Variants in KCNIP4 observed in about 807,000 individuals in gnomAD.
KCNIP4 encodes the protein Kv channel-interacting protein 4.
Under a neutral mutation model 34.0 loss-of-function variants are expected in KCNIP4, and 12 were observed. The observed-to-expected ratio is 0.35, with a 90% CI of 0.23 to 0.57. KCNIP4 has a LOEUF of 0.57. Among genes scored for constraint, KCNIP4 ranks in the 20% least tolerant of loss-of-function variants. KCNIP4 has a pLI of 0.83. For missense variants in KCNIP4, 238 were observed against 311.7 expected (o/e 0.76, Z 1.78); for synonymous variants, 124 against 102.2 (o/e 1.21, Z -1.29).
At chr4:21,883,843 T>C (rs1726603741) in intron 1 of KCNIP4, among the ~76,000 whole-genome samples, 1 of 152,078 alleles carries the variant, frequency 6.6e-6, no homozygotes. Context: ...TCAAATCGAC[T>C]GATGAATGAA....
At chr4:21,765,827 A>G (rs1718374597) in intron 1 of KCNIP4, among the ~76,000 whole-genome samples, 1 of 151,110 alleles carries the variant, frequency 6.6e-6, no homozygotes, top group African/African-American at 2.4e-5. Context: ...GTGAAAAAAA[A>G]AAAAAAAAAA....
chr4:21,083,996 A>C (rs1238768636), intron 1 of KCNIP4, among the ~76,000 whole-genome samples: 1 of 151,846 alleles, frequency 6.6e-6, no homozygotes, highest in Non-Finnish European at 1.5e-5. Context: ...TTCCACCCTG[A>C]TGTCTCCCAA....
At chr4:21,431,007 G>A (rs1463844296) in intron 1 of KCNIP4, among the ~76,000 whole-genome samples, 2 of 151,970 alleles carry the variant, frequency 1.3e-5, no homozygotes, top group Non-Finnish European at 2.9e-5. Flanking sequence ...AAATGGAATG[G>A]AATATGCTTC....
chr4:21,359,802 T>A (rs1719029641), intron 1 of KCNIP4, among the ~76,000 whole-genome samples: 1 of 152,070 alleles, frequency 6.6e-6, no homozygotes, highest in Non-Finnish European at 1.5e-5. Flanking sequence ...GGTCCTGAGG[T>A]CAAACATTTC....
chr4:21,384,635 A>G (rs1249232308), intron 1 of KCNIP4, among the ~76,000 whole-genome samples: 1 of 152,226 alleles, frequency 6.6e-6, no homozygotes, highest in Non-Finnish European at 1.5e-5. Flanking sequence ...CCGTGTGCTC[A>G]CATATCACAG....
intron 1 of KCNIP4, among the ~76,000 whole-genome samples, chr4:21,156,526 A>G (rs1753156891): frequency 6.6e-6 from 1 of 152,166 alleles, no homozygotes; most frequent in Non-Finnish European, 1.5e-5. Flanking sequence ...CATACATGAG[A>G]AATATACATT....
intron 1 of KCNIP4, among the ~76,000 whole-genome samples, chr4:21,326,452 A>G (rs938777808): frequency 2.2e-5 from 3 of 138,830 alleles, no homozygotes; most frequent in Non-Finnish European, 4.7e-5. Flanking sequence ...TGCATAAAAC[A>G]TCTTTTTTCG....
chr4:21,937,684 A>G (rs1729938492), intron 1 of KCNIP4, among the ~76,000 whole-genome samples: 1 of 151,946 alleles, frequency 6.6e-6, no homozygotes, highest in African/African-American at 2.4e-5. Context: ...CCATCTCTGT[A>G]TTTCCCATCT....
At chr4:21,314,263 A>G (rs1218045274) in intron 1 of KCNIP4, among the ~76,000 whole-genome samples, 1 of 152,184 alleles carries the variant, frequency 6.6e-6, no homozygotes, top group Non-Finnish European at 1.5e-5. Flanking sequence ...GGTCAGGCTC[A>G]CTTGGGATTG....
chr4:21,829,065 A>T (rs1012425876), intron 1 of KCNIP4, among the ~76,000 whole-genome samples: 3 of 151,958 alleles, frequency 2.0e-5, no homozygotes, highest in Non-Finnish European at 2.9e-5. Flanking sequence ...AAAAAAAAAA[A>T]TTAAATGCTG....
At chr4:21,790,033 C>A (rs1311400771) in intron 1 of KCNIP4, among the ~76,000 whole-genome samples, 1 of 152,108 alleles carries the variant, frequency 6.6e-6, no homozygotes, top group Non-Finnish European at 1.5e-5. Context: ...ATGAAACTGC[C>A]ATGAAAAGCT....
chr4:21,019,645 G>T (rs985182019), intron 1 of KCNIP4, among the ~76,000 whole-genome samples: 1 of 151,914 alleles, frequency 6.6e-6, no homozygotes, highest in African/African-American at 2.4e-5. Flanking sequence ...TAAAATAGGG[G>T]ACAATATCTA....
At chr4:21,389,787 C>T (rs1189870019) in intron 1 of KCNIP4, among the ~76,000 whole-genome samples, 1 of 152,128 alleles carries the variant, frequency 6.6e-6, no homozygotes, top group Admixed American at 6.5e-5. Flanking sequence ...TTTATAGCAG[C>T]ATAATTTATA....
rs770170811 is a variant in KCNIP4 at position 20,758,856 on chromosome 4, A to T, written c.323T>A (p.Phe108Tyr). ...CPSGVVNEET[F>Y]KEIYSQFFPQ... Reference sequence around the variant, plus strand: ...AAAGAACTGCGAGTAAATCTCTTTGAAGGTTTCTTCATTAACAACACCACT... The same window carrying T: ...AAAGAACTGCGAGTAAATCTCTTTGTAGGTTTCTTCATTAACAACACCACT... The change falls in exon 4 of 9, where the codon TTC becomes TAC. Residue 108 changes from phenylalanine to tyrosine, a missense_variant. Phe to Tyr is a conservative substitution (Grantham distance 22). Transcript: ENST00000382152. 2 of 1,613,394 alleles carry T rather than the reference A, an allele frequency of 1.2e-6. No individual in the cohort carries two copies. The highest frequency in any genetic ancestry group is 3.3e-5 in the Admixed American group (2 of 59,974).
intron 1 of KCNIP4, among the ~76,000 whole-genome samples, chr4:21,073,739 T>C (rs570964615): frequency 1.3e-5 from 2 of 152,166 alleles, no homozygotes; most frequent in Non-Finnish European, 2.9e-5. Flanking sequence ...ATGCTTCCAG[T>C]TTTTGTCCAT....
chr4:20,770,949 T>C (rs74484512), intron 3 of KCNIP4, among the ~76,000 whole-genome samples: 7 of 151,870 alleles, frequency 4.6e-5, no homozygotes, highest in Admixed American at 2.6e-4. Flanking sequence ...AATAAATAAA[T>C]AAACAAACAA....
chr4:21,342,249 G>A (rs976612398), intron 1 of KCNIP4, among the ~76,000 whole-genome samples: 1 of 152,032 alleles, frequency 6.6e-6, no homozygotes, highest in Non-Finnish European at 1.5e-5. Context: ...GCTAGAAAAA[G>A]AACATCCATC....
intron 1 of KCNIP4, among the ~76,000 whole-genome samples, chr4:21,694,943 A>AAAAAAAAAAAAAAAAAAAAAAAC (rs1560637409): frequency 4.4e-5 from 2 of 45,336 alleles, no homozygotes; most frequent in African/African-American, 1.1e-4. Flanking sequence ...AAAATAAATA[A>AAAAAAAAAAAAAAAAAAAAAAAC]ATAAATAAAG....
At chr4:21,676,176 C>T (rs1474117264) in intron 1 of KCNIP4, among the ~76,000 whole-genome samples, 1 of 152,104 alleles carries the variant, frequency 6.6e-6, no homozygotes, top group Non-Finnish European at 1.5e-5. Context: ...TTATTATCAA[C>T]ATTTTTGAAA....
Sources: gnomAD v4.1 joint callset for allele counts (sites outside exome capture counted in the v4.1 genomes callset) on GRCh38, gnomAD v4.1.1 for gene constraint, MANE v1.5 for transcripts, NCBI Gene and HGNC (gene_info 2026-07-23, HGNC 2026-07-21) for gene names.